The following ATP2C2 variants were observed in gnomAD, a reference collection of about 807,000 sequenced individuals.
ATP2C2 encodes the protein calcium-transporting ATPase type 2C member 2.
In ATP2C2, 171 loss-of-function variants were observed where a neutral mutation model predicts 110.8. The ratio of observed to expected loss-of-function variants is 1.54; its 90% confidence interval spans 1.36 to 1.75. ATP2C2 has a LOEUF of 1.75. Ranked by LOEUF, ATP2C2 falls within the 40% of genes most tolerant of loss-of-function variation. The probability of loss-of-function intolerance (pLI) is 0.00; values close to 1 mark genes in which losing one functional copy is unlikely to be tolerated. For synonymous variants in ATP2C2, 804 were observed against 508.4 expected (o/e 1.58, Z -7.82); for missense variants, 1,963 against 1,235.0 (o/e 1.59, Z -8.84).
chr16:84,368,630 C>A lies in ATP2C2; in HGVS notation c.15C>A (p.Arg5=). 6.4e-7 allele frequency: 1 copy of A among 1,561,082 alleles called. No individual in the cohort carries two copies. Among genetic ancestry groups the A allele is most frequent in the Non-Finnish European group, 8.7e-7 (1 of 1,153,986 alleles). ...GCCCGCTCACCATGGTCGAGGGACG[C>A]GTCTCCGAGTTCCTGAAGAAACTCG... MVEG[R]VSEFLKKLGF... Residue 5 remains arginine, a synonymous_variant, in exon 1 of 27, where the codon CGC becomes CGA. Transcript: ENST00000262429.
chr16:84,411,742 G>A (rs546522490), intron 6 of ATP2C2, among the ~76,000 whole-genome samples: 2 of 152,028 alleles, frequency 1.3e-5, no homozygotes, highest in African/African-American at 4.8e-5. Flanking sequence ...GTGCCCGGCC[G>A]ACAAACTAAA....
At chr16:84,462,318 C>T (rs1911460750) in intron 26 of ATP2C2, 189 bp downstream of exon 26, 1 of 713,064 alleles carries the variant, frequency 1.4e-6, no homozygotes. Context: ...GTGACGGATG[C>T]ACAGAAACCC....
intron 17 of ATP2C2, among the ~76,000 whole-genome samples, chr16:84,451,223 A>G (rs1245344663): frequency 1.3e-5 from 2 of 152,150 alleles, no homozygotes; most frequent in African/African-American, 2.4e-5. Context: ...AGCTCTCCTG[A>G]GATGTATTCA....
chr16:84,461,280 C>T (rs1911308703), intron 24 of ATP2C2: 1 of 294,184 alleles, frequency 3.4e-6, no homozygotes, highest in Non-Finnish European at 6.4e-6. Flanking sequence ...GTGACCACAC[C>T]ACAGATTGCC....
intron 1 of ATP2C2, among the ~76,000 whole-genome samples, chr16:84,397,662 A>AAAAAAAAAAACAAAAAAAC (rs1905075557): frequency 6.8e-6 from 1 of 146,616 alleles, no homozygotes; most frequent in African/African-American, 2.5e-5. Flanking sequence ...TGACAAAAAA[A>AAAAAAAAAAACAAAAAAAC]AAAAAAAAAA....
rs529748389 is a variant in ATP2C2, at chr16:84,405,304, C to T, written c.327+60C>T. ...GCATAAGCCAGCGAGGGTGGGGCAGCCATTCCATCTTTCAATGTTGATGGA... is the reference window on the plus strand; with the variant it reads ...GCATAAGCCAGCGAGGGTGGGGCAGTCATTCCATCTTTCAATGTTGATGGA... On this transcript the variant is annotated intron_variant, in intron 3 of 26. Coordinates refer to ENST00000262429, the MANE Select transcript of ATP2C2 (RefSeq NM_014861.4). 3.5e-6 allele frequency: 5 copies of T among 1,418,614 alleles called. No individual in the cohort carries two copies. The African/African-American group carries it at 4.2e-5, about 12-fold the overall frequency. 87.9% of individuals were successfully genotyped at this position (1,418,614 alleles called of 1,614,324 possible).
chr16:84,412,473 T>A (rs949942194), intron 6 of ATP2C2, among the ~76,000 whole-genome samples: 2 of 145,734 alleles, frequency 1.4e-5, no homozygotes, highest in African/African-American at 2.5e-5. Context: ...TGTGTGTGTC[T>A]GTGCATGTGT....
chr16:84,409,811 T>C (rs1352939994), intron 4 of ATP2C2, among the ~76,000 whole-genome samples: 1 of 152,162 alleles, frequency 6.6e-6, no homozygotes, highest in Non-Finnish European at 1.5e-5. Context: ...CCTGAGCACC[T>C]TTTGATGGCT....
chr16:84,417,580 C>G (rs184073042), intron 7 of ATP2C2, among the ~76,000 whole-genome samples: 9 of 152,208 alleles, frequency 5.9e-5, no homozygotes, highest in Non-Finnish European at 1.3e-4. Flanking sequence ...CTGGCTTTCT[C>G]TCTGCCCTGC....
Position 84,448,676 on chromosome 16 carries a change from G to A in ATP2C2, c.1647G>A (p.Ser549=), listed in dbSNP as rs775103294. 10 of 1,611,954 alleles carry A rather than the reference G, an allele frequency of 6.2e-6. No homozygotes were observed. The highest frequency in any genetic ancestry group is 5.5e-5 in the South Asian group (5 of 90,828). The change falls in exon 17 of 27, where the codon TCG becomes TCA. Residue 549 remains serine (S), a synonymous_variant. Transcript: ENST00000262429. The stretch of plus-strand genomic sequence containing the variant: ...TGCAGGAAGAGAAGAGGATGGGGTC[G>A]CTCGGTTTGCGGGGTCAGTGCCTGT... ...FCLQEEKRMG[S]LGLRVLALAS...
Position 84,415,541 on chromosome 16 carries a change from G to C in ATP2C2, c.574G>C (p.Val192Leu), listed in dbSNP as rs368339547. ...TCGAGAACTGGTTCCTGGTGATGTCGTATCTCTCTCGATCGGAGACCGGAT... is the reference window on the plus strand; with the variant it reads ...TCGAGAACTGGTTCCTGGTGATGTCCTATCTCTCTCGATCGGAGACCGGAT... ...LARELVPGDV[V>L]SLSIGDRIPA... Residue 192 changes from valine (V) to leucine (L), a missense_variant, in exon 7 of 27, where the codon GTA becomes CTA. Physicochemically the swap from Val to Leu is conservative, Grantham distance 32 (BLOSUM62 1). Transcript: ENST00000262429. The C allele has an allele frequency of 5.0e-6, 8 of 1,614,012 alleles. No individual in the cohort carries two copies. The highest frequency in any genetic ancestry group is 1.1e-5 in the South Asian group (1 of 91,072).
At chr16:84,406,836 C>A (rs1200098221) in intron 3 of ATP2C2, among the ~76,000 whole-genome samples, 1 of 152,126 alleles carries the variant, frequency 6.6e-6, no homozygotes, top group Non-Finnish European at 1.5e-5. Flanking sequence ...AGGACCCGCT[C>A]CCCCACTTCC....
Position 84,451,906 on chromosome 16 carries a change from C to T in ATP2C2, c.1661-15C>T, listed in dbSNP as rs777016448. 29 of 1,606,264 alleles carry T rather than the reference C, an allele frequency of 1.8e-5. No homozygotes were observed. The highest frequency in any genetic ancestry group is 1.1e-4 in the South Asian group (10 of 90,644). On this transcript the variant is annotated splice_polypyrimidine_tract_variant and intron_variant, in intron 17 of 26. Coordinates refer to ENST00000262429, the MANE Select transcript of ATP2C2 (RefSeq NM_014861.4). ...AGCCCCCGGTGACCCCTCCTTACTC[C>T]CCCTCTCTCCTCAGTGCTGGCCCTG...
rs777973557 is a variant in ATP2C2, at chr16:84,463,663, G to A, written c.2772G>A (p.Glu924=). The A allele has an allele frequency of 6.2e-7, 1 of 1,614,186 alleles. No individual in the cohort carries two copies. The highest frequency in any genetic ancestry group is 8.5e-7 in the Non-Finnish European group (1 of 1,180,044). ...CCTCATCCGTCTTCATTTTGTCAGA[G>A]CTCCTCAAACTATGTGAAAAATACT... ...GLASSVFILS[E]LLKLCEKYCC... is the part of the protein sequence containing the mutation. The change falls in exon 27 of 27, where the codon GAG becomes GAA. Residue 924 remains glutamate (E), a synonymous_variant. Transcript: ENST00000262429.
chr16:84,459,257 G>C lies in ATP2C2; in HGVS notation c.2217-13G>C, dbSNP rs745815997. On this transcript the variant is annotated splice_polypyrimidine_tract_variant and intron_variant, in intron 22 of 26. Transcript: ENST00000262429. Reference sequence around the variant, plus strand: ...TGGCGGGCGGCCGCTGACTGGCTGCGTGTGCCCCGCAGGAGCATCTCCGCC... The same window carrying C: ...TGGCGGGCGGCCGCTGACTGGCTGCCTGTGCCCCGCAGGAGCATCTCCGCC... 6 of 1,613,996 alleles carry C rather than the reference G, an allele frequency of 3.7e-6. No individual in the cohort carries two copies. In the African/African-American group the frequency reaches 8.0e-5, roughly 22 times the overall value.
chr16:84,372,277 A>T (rs1019881473), intron 1 of ATP2C2, among the ~76,000 whole-genome samples: 1 of 152,120 alleles, frequency 6.6e-6, no homozygotes, highest in Non-Finnish European at 1.5e-5. Context: ...TTTTTAAGAG[A>T]TTACACTCAG....
chr16:84,435,573 C>G (rs1055411832), intron 11 of ATP2C2, among the ~76,000 whole-genome samples: 6 of 152,326 alleles, frequency 3.9e-5, no homozygotes, highest in African/African-American at 1.4e-4. Flanking sequence ...TGCCTGTAAT[C>G]CCAGCACTTG....
At chr16:84,379,350 C>T (rs528114016) in intron 1 of ATP2C2, among the ~76,000 whole-genome samples, 1 of 152,278 alleles carries the variant, frequency 6.6e-6, no homozygotes, top group South Asian at 2.1e-4. Flanking sequence ...AATTTTTGAA[C>T]AGATGGGGTT....
At chr16:84,375,987 A>G (rs991753320) in intron 1 of ATP2C2, among the ~76,000 whole-genome samples, 4 of 151,220 alleles carry the variant, frequency 2.6e-5, no homozygotes, top group African/African-American at 9.7e-5. Context: ...GCTGGGTGGG[A>G]GTGGTACTGT....
Sources: gnomAD v4.1 joint callset for allele counts (sites outside exome capture counted in the v4.1 genomes callset) on GRCh38, gnomAD v4.1.1 for gene constraint, MANE v1.5 for transcripts, NCBI Gene and HGNC (gene_info 2026-07-23, HGNC 2026-07-21) for gene names.